Variants in ITPR1 observed in about 807,000 individuals in gnomAD.
The protein encoded by ITPR1 is inositol 1,4,5-trisphosphate receptor type 1.
A neutral mutation model predicts 318.4 loss-of-function variants in ITPR1; 96 were observed. The ratio of observed to expected loss-of-function variants is 0.30; its 90% confidence interval spans 0.26 to 0.36. The LOEUF is 0.36. Ranked by LOEUF, ITPR1 falls within the 10% of genes least tolerant of loss-of-function variation. The pLI is 1.00. For missense variants in ITPR1, 2,440 were observed against 3,460.2 expected (o/e 0.71, Z 7.40); for synonymous variants, 1,312 against 1,289.9 (o/e 1.02, Z -0.37).
intron 44 of ITPR1, among the ~76,000 whole-genome samples, chr3:4,755,091 A>T (rs1377157111): frequency 6.6e-6 from 1 of 151,468 alleles, no homozygotes. Context: ...ATCTGGTTTT[A>T]CTGTTGAAAA....
chr3:4,513,162 C>G (rs2081958977), intron 2 of ITPR1, among the ~76,000 whole-genome samples: 1 of 152,188 alleles, frequency 6.6e-6, no homozygotes, highest in Admixed American at 6.5e-5. Context: ...AGGAAGTCTT[C>G]CAGAAGATTG....
intron 23 of ITPR1, 74 bp from the exon 24 acceptor site, chr3:4,676,540 C>T: frequency 1.8e-6 from 2 of 1,083,632 alleles, no homozygotes; most frequent in Admixed American, 2.2e-5. Flanking sequence ...CTCAAAGAGC[C>T]CCTGCCCCTT....
At chr3:4,627,500 A>C (rs1382046632) in intron 4 of ITPR1, among the ~76,000 whole-genome samples, 1 of 152,122 alleles carries the variant, frequency 6.6e-6, no homozygotes, top group African/African-American at 2.4e-5. Context: ...AACAAAAAAA[A>C]CACAAAACAC....
intron 4 of ITPR1, among the ~76,000 whole-genome samples, chr3:4,608,504 A>G (rs191400728): frequency 2.6e-5 from 4 of 152,284 alleles, no homozygotes; most frequent in Non-Finnish European, 1.5e-5. Flanking sequence ...CAAGAAGGAT[A>G]GGGAGGAAGG....
At chr3:4,506,302 C>G (rs560126910) in intron 2 of ITPR1, among the ~76,000 whole-genome samples, 5 of 152,120 alleles carry the variant, frequency 3.3e-5, no homozygotes, top group Non-Finnish European at 7.4e-5. Flanking sequence ...ATTGGGCTGG[C>G]TTTCTGTTTC....
chr3:4,724,163 T>C (rs975528121), intron 40 of ITPR1, among the ~76,000 whole-genome samples: 1 of 152,202 alleles, frequency 6.6e-6, no homozygotes, highest in Non-Finnish European at 1.5e-5. Context: ...CTGAGATTAG[T>C]GGAGTTGGAC....
At chr3:4,551,318 T>C (rs570476134) in intron 4 of ITPR1, among the ~76,000 whole-genome samples, 2 of 152,336 alleles carry the variant, frequency 1.3e-5, no homozygotes, top group Admixed American at 6.5e-5. Flanking sequence ...ACCGTATTTA[T>C]GGGATGAGTT....
chr3:4,567,707 T>C (rs1559462138), intron 4 of ITPR1, among the ~76,000 whole-genome samples: 2 of 152,064 alleles, frequency 1.3e-5, no homozygotes, highest in Admixed American at 6.6e-5. Flanking sequence ...GCTCAAGTGA[T>C]CCTCCCACCT....
intron 60 of ITPR1, among the ~76,000 whole-genome samples, chr3:4,821,722 ATT>A (rs1308416837): frequency 6.6e-6 from 1 of 152,088 alleles, no homozygotes; most frequent in Non-Finnish European, 1.5e-5. Flanking sequence ...ACCTTTCCTA[ATT>A]CCTGCTGGAA....
chr3:4,724,891 T>C (rs1010444883), intron 40 of ITPR1, among the ~76,000 whole-genome samples: 2 of 152,120 alleles, frequency 1.3e-5, no homozygotes, highest in African/African-American at 4.8e-5. Context: ...ACCCAGACCA[T>C]GAAGCCCTCA....
intron 57 of ITPR1, 118 bp downstream of exon 57, chr3:4,813,352 GGGGAAA>G (rs2049066031): frequency 1.5e-6 from 1 of 668,442 alleles, no homozygotes; most frequent in African/African-American, 1.8e-5. Context: ...CTATAGCAAA[GGGGAAA>G]GGCTGAGAAA....
intron 44 of ITPR1, among the ~76,000 whole-genome samples, chr3:4,758,363 C>A (rs1373428587): frequency 6.6e-6 from 1 of 152,192 alleles, no homozygotes; most frequent in Admixed American, 6.5e-5. Flanking sequence ...CCGCTCCCAC[C>A]AGGCTCCACC....
intron 44 of ITPR1, chr3:4,749,144 C>G (rs2044319434): frequency 6.6e-6 from 1 of 152,332 alleles, no homozygotes; most frequent in South Asian, 2.1e-4. Context: ...ACCTTGAATA[C>G]TAATTCGTGA....
intron 43 of ITPR1, among the ~76,000 whole-genome samples, chr3:4,734,037 G>T (rs565473357): frequency 6.6e-6 from 1 of 152,208 alleles, no homozygotes; most frequent in Non-Finnish European, 1.5e-5. Flanking sequence ...AATACTCAGT[G>T]TACGCTTAAT....
Position 4,711,742 on chromosome 3 carries a change from T to G in ITPR1, c.4992-15T>G, listed in dbSNP as rs552425239. ...TAGCTTCAAGGAAGTAATCCGTGGT[T>G]TTCCCCCCATTCAGGTTAATAAAGC... On this transcript the variant is annotated splice_polypyrimidine_tract_variant and intron_variant, in intron 38 of 61. Coordinates refer to ENST00000649015, the MANE Select transcript of ITPR1 (RefSeq NM_001378452.1). The G allele has an allele frequency of 2.0e-5, 28 of 1,406,842 alleles. No individual in the cohort carries two copies. The highest frequency in any genetic ancestry group is 2.7e-5 in the Non-Finnish European group (27 of 1,015,658). 87.1% of individuals were successfully genotyped at this position (1,406,842 alleles called of 1,614,324 possible).
Position 4,609,010 on chromosome 3 carries a change from A to C in ITPR1, c.164-18753A>C, listed in dbSNP as rs1418665243. Among the ~76,000 whole-genome samples, 76 of 135,924 alleles carry C rather than the reference A, an allele frequency of 5.6e-4. 2 individuals are homozygous for C. The East Asian group carries it at 0.012, about 21-fold the overall frequency. The allele number at this position is 135,924 out of a possible 152,430, so 89.2% of individuals were successfully genotyped here. ...AGTGAGACTCCGTCTTTAAAAAAAA[A>C]AAAAAAAAAAAAAAACAAAAGAAAA... On this transcript the variant is annotated intron_variant, in intron 4 of 61. Transcript: ENST00000649015.
chr3:4,641,960 T>C (rs753612580), intron 6 of ITPR1, 133 bp from the exon 7 acceptor site: 9 of 625,172 alleles, frequency 1.4e-5, no homozygotes, highest in Non-Finnish European at 2.3e-5. Flanking sequence ...GTAGGCACTT[T>C]GTGATTCTCT....
chr3:4,761,012 C>T (rs1015838994), intron 44 of ITPR1, among the ~76,000 whole-genome samples: 2 of 152,244 alleles, frequency 1.3e-5, no homozygotes, highest in African/African-American at 4.8e-5. Context: ...GTCTACCACA[C>T]CTGTGAAACT....
At chr3:4,549,177 TA>T (rs1189172556) in intron 4 of ITPR1, among the ~76,000 whole-genome samples, 1 of 152,232 alleles carries the variant, frequency 6.6e-6, no homozygotes, top group African/African-American at 2.4e-5. Context: ...ATTTGCCTTA[TA>T]ATACATAGTT....
Sources: gnomAD v4.1 joint callset for allele counts (sites outside exome capture counted in the v4.1 genomes callset) on GRCh38, gnomAD v4.1.1 for gene constraint, MANE v1.5 for transcripts, NCBI Gene and HGNC (gene_info 2026-07-23, HGNC 2026-07-21) for gene names.